Variants in CELF4 observed in about 807,000 individuals in gnomAD.
CELF4 encodes CUG-BP- and ETR-3-like factor 4.
CELF4 carries 18 observed loss-of-function variants against 59.9 expected under a neutral mutation model. The observed-to-expected ratio is 0.30, with a 90% CI of 0.21 to 0.45. The LOEUF (loss-of-function observed/expected upper bound fraction) is 0.45, where lower values mean the gene tolerates loss of function less well. Ranked by LOEUF, CELF4 falls within the 20% of genes least tolerant of loss-of-function variation. CELF4 has a pLI of 1.00. For missense variants in CELF4, 456 were observed against 689.0 expected (o/e 0.66, Z 3.79); for synonymous variants, 261 against 267.1 (o/e 0.98, Z 0.22).
At chr18:37,360,491 C>T (rs977455300) in intron 2 of CELF4, among the ~76,000 whole-genome samples, 1 of 152,200 alleles carries the variant, frequency 6.6e-6, no homozygotes, top group Non-Finnish European at 1.5e-5. Flanking sequence ...GTGTGCCAAG[C>T]TCCCTTCTCG....
chr18:37,539,640 A>T lies in CELF4; in HGVS notation c.286+25716T>A, dbSNP rs1201115492. The stretch of plus-strand genomic sequence containing the variant: ...ACTCTTGTTAGTCAGTGCACACGCA[A>T]TGCTCTCCGCACTGTTTGATAGAAC... On this transcript the variant is annotated intron_variant, in intron 1 of 12. Coordinates refer to ENST00000420428, the MANE Select transcript of CELF4 (RefSeq NM_020180.4). 2.6e-5 allele frequency among the ~76,000 whole-genome samples: 4 copies of T among 152,246 alleles called. No homozygotes were observed. In the East Asian group the frequency reaches 5.8e-4, roughly 22 times the overall value.
intron 3 of CELF4, among the ~76,000 whole-genome samples, chr18:37,320,747 C>G (rs1347506295): frequency 6.6e-6 from 1 of 152,162 alleles, no homozygotes; most frequent in Non-Finnish European, 1.5e-5. Flanking sequence ...GTGCCGGGGA[C>G]TAGTGATCAA....
At chr18:37,495,336 G>A (rs2099923969) in intron 1 of CELF4, among the ~76,000 whole-genome samples, 1 of 152,074 alleles carries the variant, frequency 6.6e-6, no homozygotes, top group African/African-American at 2.4e-5. Flanking sequence ...TCACTTGTTT[G>A]GGAGGGAAAC....
intron 10 of CELF4, among the ~76,000 whole-genome samples, chr18:37,262,761 C>T (rs566495485): frequency 1.2e-4 from 18 of 152,234 alleles, no homozygotes; most frequent in Admixed American, 7.8e-4. Context: ...CCCCTTGTGG[C>T]CCTGGTCTTA....
chr18:37,436,514 G>A (rs1044114772), intron 2 of CELF4, among the ~76,000 whole-genome samples: 2 of 152,210 alleles, frequency 1.3e-5, no homozygotes, highest in Non-Finnish European at 2.9e-5. Flanking sequence ...TGCAGAGGGG[G>A]GATCAAGAGC....
intron 2 of CELF4, among the ~76,000 whole-genome samples, chr18:37,481,494 TCC>T (rs1430830629): frequency 6.6e-6 from 1 of 152,200 alleles, no homozygotes; most frequent in Non-Finnish European, 1.5e-5. Context: ...GGAAGACGAT[TCC>T]CCACAAAGTC....
chr18:37,524,620 C>A (rs778606256), intron 1 of CELF4, among the ~76,000 whole-genome samples: 1 of 152,236 alleles, frequency 6.6e-6, no homozygotes, highest in Non-Finnish European at 1.5e-5. Context: ...GCGGAGCAGC[C>A]GTAGGAAATA....
chr18:37,399,360 C>T (rs2099292381), intron 2 of CELF4, among the ~76,000 whole-genome samples: 1 of 152,126 alleles, frequency 6.6e-6, no homozygotes, highest in Non-Finnish European at 1.5e-5. Context: ...GCACTTGTGT[C>T]CCCTTCTGTT....
intron 2 of CELF4, among the ~76,000 whole-genome samples, chr18:37,358,768 C>G (rs969922572): frequency 2.6e-5 from 4 of 152,226 alleles, no homozygotes; most frequent in Non-Finnish European, 5.9e-5. Context: ...GTGTGCCGAA[C>G]TTGTTCCCTG....
chr18:37,289,530 A>G (rs1286151882), intron 3 of CELF4, among the ~76,000 whole-genome samples: 1 of 151,864 alleles, frequency 6.6e-6, no homozygotes, highest in Admixed American at 6.6e-5. Flanking sequence ...CTTGCTAGCT[A>G]GTACGCCCCA....
At chr18:37,487,056 G>A (rs2099882759) in intron 1 of CELF4, among the ~76,000 whole-genome samples, 1 of 152,160 alleles carries the variant, frequency 6.6e-6, no homozygotes, top group Non-Finnish European at 1.5e-5. Context: ...CGTGGCCCAA[G>A]CCCTCCTCTC....
intron 11 of CELF4, among the ~76,000 whole-genome samples, chr18:37,256,832 G>A (rs538060580): frequency 4.0e-4 from 61 of 152,124 alleles, no homozygotes; most frequent in Admixed American, 3.3e-4. Context: ...TGATCTGCCC[G>A]CCTCAGCCTC....
intron 1 of CELF4, among the ~76,000 whole-genome samples, chr18:37,547,350 A>G (rs2099981770): frequency 6.6e-6 from 1 of 152,156 alleles, no homozygotes; most frequent in South Asian, 2.1e-4. Context: ...GGTAGCCTGA[A>G]TGCTGGTCAC....
intron 3 of CELF4, among the ~76,000 whole-genome samples, chr18:37,285,530 C>G (rs2094650982): frequency 6.6e-6 from 1 of 152,176 alleles, no homozygotes; most frequent in African/African-American, 2.4e-5. Context: ...TTCATTCCAC[C>G]CTCTGGGGGG....
At chr18:37,505,595 C>T (rs1424947221) in intron 1 of CELF4, among the ~76,000 whole-genome samples, 2 of 152,118 alleles carry the variant, frequency 1.3e-5, no homozygotes, top group Non-Finnish European at 2.9e-5. Context: ...GAATCCTCCC[C>T]AGCCTTTTTG....
At chr18:37,443,829 C>T (rs2099740319) in intron 2 of CELF4, among the ~76,000 whole-genome samples, 1 of 152,122 alleles carries the variant, frequency 6.6e-6, no homozygotes, top group Non-Finnish European at 1.5e-5. Context: ...CTCCATTCGC[C>T]AGATATTTAC....
intron 2 of CELF4, among the ~76,000 whole-genome samples, chr18:37,387,765 T>G (rs1224806431): frequency 2.0e-5 from 3 of 152,224 alleles, no homozygotes; most frequent in Non-Finnish European, 4.4e-5. Flanking sequence ...TGCTTTCCAG[T>G]CTGACCCTTT....
rs1042014799 is a variant in CELF4, at chr18:37,321,092, G to T, written c.448+711C>A. Among the ~76,000 whole-genome samples, 4 of 152,250 alleles carry T rather than the reference G, an allele frequency of 2.6e-5. No individual in the cohort carries two copies. In the East Asian group the frequency reaches 7.7e-4, roughly 29 times the overall value. On this transcript the variant is annotated intron_variant, in intron 3 of 12. Transcript: ENST00000420428. ...TTAACCCTGTGGCTGGGATGGGGGG[G>T]GCAGTACAGACACACAGGCACTGTG...
intron 1 of CELF4, among the ~76,000 whole-genome samples, chr18:37,523,232 G>A (rs1295330526): frequency 1.3e-5 from 2 of 152,174 alleles, no homozygotes; most frequent in East Asian, 1.9e-4. Context: ...AGTCTTCAGA[G>A]GCTCGTTTGT....
Sources: gnomAD v4.1 joint callset for allele counts (sites outside exome capture counted in the v4.1 genomes callset) on GRCh38, gnomAD v4.1.1 for gene constraint, MANE v1.5 for transcripts, NCBI Gene and HGNC (gene_info 2026-07-23, HGNC 2026-07-21) for gene names.